Variants in MBD6 observed in about 807,000 individuals in gnomAD.
MBD6 encodes methyl-CpG-binding domain protein 6.
A neutral mutation model predicts 66.8 loss-of-function variants in MBD6; 22 were observed. The ratio of observed to expected loss-of-function variants is 0.33; its 90% CI spans 0.24 to 0.47. The LOEUF (loss-of-function observed/expected upper bound fraction) is 0.47, where lower values mean the gene tolerates loss of function less well. Among genes scored for constraint, MBD6 ranks in the 20% least tolerant of loss-of-function variants. The pLI, the probability that MBD6 is intolerant of heterozygous loss-of-function variation, is 1.00. For missense variants in MBD6, 1,322 were observed against 1,286.9 expected, an observed-to-expected ratio of 1.03 and a Z score of -0.42; for synonymous variants, 540 against 534.6, an observed-to-expected ratio of 1.01 and a Z score of -0.14.
chr12:57,524,990 G>T lies in MBD6; in HGVS notation c.254G>T (p.Gly85Val), dbSNP rs200158707. ...GACCCTTTGGCCCCGGTGACCCCGGGTGGGGCTGGGGTGGGGCCAGCATCA... is the reference window on the plus strand; with the variant it reads ...GACCCTTTGGCCCCGGTGACCCCGGTTGGGGCTGGGGTGGGGCCAGCATCA... The part of the protein sequence containing the change: ...NFDPLAPVTP[G>V]GAGVGPASEE... The change falls in exon 5 of 13, where the codon GGT becomes GTT. Residue 85 changes from glycine to valine, a missense_variant. By Grantham distance (109) the Gly-to-Val change is moderately radical. Transcript: ENST00000355673. The T allele has an allele frequency of 5.6e-6, 9 of 1,607,950 alleles. No homozygotes were observed. Among genetic ancestry groups the T allele is most frequent in the Non-Finnish European group, 7.6e-6 (9 of 1,176,592 alleles).
upstream of MBD6, chr12:57,521,306 TA>T (rs1878323358): frequency 6.6e-6 from 1 of 152,066 alleles, no homozygotes; most frequent in Non-Finnish European, 1.5e-5. Flanking sequence ...CTACTAAAAA[TA>T]CAAAAATTAG....
In MBD6 at chr12:57,527,707, G is replaced by A. The variant is rs547746535; in HGVS notation, c.2236+47G>A. 1.1e-4 allele frequency: 176 copies of A among 1,558,540 alleles called. 1 individual carries two copies. The highest frequency in any genetic ancestry group is 1.4e-4 in the Non-Finnish European group (167 of 1,154,218). On this transcript the variant is annotated intron_variant, in intron 8 of 12. Transcript: ENST00000355673. ...TTCACACTCTTGGTGTGAAAAAGCA[G>A]GAGTAAAACTTGGGAGTAGTGGCTG... is the stretch of plus-strand genomic sequence containing the variant.
At chr12:57,530,539 G>A (rs1594875144), downstream of MBD6, 1 of 665,104 alleles carries the variant, frequency 1.5e-6, no homozygotes, top group Non-Finnish European at 2.6e-6. Flanking sequence ...CAGGGGAGGG[G>A]TATAAACCCC....
At chr12:57,528,610 TG>T in intron 10 of MBD6, 50 bp downstream of exon 10, 1 of 1,613,378 alleles carries the variant, frequency 6.2e-7, no homozygotes, top group South Asian at 1.1e-5. Context: ...GAGGAAAGGT[TG>T]GGGCTTTGGA....
Position 57,522,962 on chromosome 12 carries a change from C to T in MBD6, c.-138C>T, listed in dbSNP as rs1369587019. ...CCTCCTCCCACCCCCTCCCACTCAC[C>T]CTCTGGGCCGCGACTGCGCAGGGCG... On this transcript the variant is annotated 5_prime_UTR_variant, in exon 1 of 13. Coordinates refer to ENST00000355673, the MANE Select transcript of MBD6 (RefSeq NM_052897.4). 6.8e-6 allele frequency: 1 copy of T among 146,864 alleles called. No individual in the cohort carries two copies. Among genetic ancestry groups the T allele is most frequent in the East Asian group, 2.0e-4 (1 of 4,928 alleles). The allele number at this position is 146,864 out of a possible 1,614,324, so 9.1% of individuals were successfully genotyped here.
rs200917042 is a variant in MBD6, at chr12:57,526,036, C to T, written c.1068C>T (p.Ser356=). ...CCCAGGCACCCTCAGCTTCCCACTC[C>T]TCATCACTTCGTCCCTCTCAGCGTC... ...PRAQAPSASH[S]SSLRPSQRRP... The change falls in exon 6 of 13, where the codon TCC becomes TCT. Residue 356 remains serine (S), a synonymous_variant. Transcript: ENST00000355673. 18 of 1,613,432 alleles carry T rather than the reference C, an allele frequency of 1.1e-5. No homozygotes were observed. The African/African-American group carries it at 1.5e-4, about 13-fold the overall frequency.
In MBD6 at chr12:57,529,418, ACCCCCCCCCACCACCCCC is replaced by A; in HGVS notation, c.*187_*204del. The A allele has an allele frequency of 2.9e-6, 1 of 345,660 alleles. No individual in the cohort carries two copies. Among genetic ancestry groups the A allele is most frequent in the Non-Finnish European group, 5.0e-6 (1 of 198,444 alleles). 21.4% of individuals were successfully genotyped at this position (345,660 alleles called of 1,614,324 possible). ...GCCATTGCAGGGGGCAGGGAAGTTC[ACCCCCCCCCACCACCCCC>A]CCGCCCCCCCGAAGCCATGTCACTG... On this transcript the variant is annotated 3_prime_UTR_variant, in exon 13 of 13. Coordinates refer to ENST00000355673, the MANE Select transcript of MBD6 (RefSeq NM_052897.4).
In MBD6 at chr12:57,526,116, C is replaced by T; in HGVS notation, c.1148C>T (p.Thr383Ile). The stretch of plus-strand genomic sequence containing the variant: ...TTGCTAGAAGGGAGAGGCCCTCAAA[C>T]CCCTAGACGGAGCCGTCCTCGGGCC... ...FRLLEGRGPQ[T>I]PRRSRPRAPA... The change falls in exon 6 of 13, where the codon ACC becomes ATC. Residue 383 changes from threonine to isoleucine, a missense_variant. Transcript: ENST00000355673. The T allele has an allele frequency of 1.2e-6, 2 of 1,614,050 alleles. No homozygotes were observed. The highest frequency in any genetic ancestry group is 1.7e-6 in the Non-Finnish European group (2 of 1,180,002).
chr12:57,525,411 C>T lies in MBD6; in HGVS notation c.443C>T (p.Pro148Leu). The T allele has an allele frequency of 6.5e-7, 1 of 1,542,108 alleles. No individual in the cohort carries two copies. Among genetic ancestry groups the T allele is most frequent in the African/African-American group, 1.4e-5 (1 of 72,186 alleles). Residue 148 changes from proline to leucine, a missense_variant, in exon 6 of 13, where the codon CCC becomes CTC. Coordinates refer to ENST00000355673, the MANE Select transcript of MBD6 (RefSeq NM_052897.4). ...VSPGPPSARP[P>L]CRVPPTTPLN... ...CCAGGGCCCCCCTCTGCCCGCCCTC[C>T]CTGTCGAGTTCCTCCTACAACTCCA...
chr12:57,524,529 C>T (rs1372636677), intron 3 of MBD6, 113 bp downstream of exon 3: 6 of 1,122,610 alleles, frequency 5.3e-6, no homozygotes, highest in African/African-American at 1.5e-5. Context: ...CCTCTCTTCC[C>T]CTTCCTTCCT....
upstream of MBD6, chr12:57,521,560 C>G (rs1019137233): frequency 6.6e-6 from 1 of 152,242 alleles, no homozygotes; most frequent in Non-Finnish European, 1.5e-5. Flanking sequence ...ACTGGAATCC[C>G]TTGGTAGTCA....
At chr12:57,521,378 G>C (rs1424551415), upstream of MBD6, 1 of 152,346 alleles carries the variant, frequency 6.6e-6, no homozygotes, top group Non-Finnish European at 1.5e-5. Flanking sequence ...CAGAAGAATC[G>C]CTTGAACCCT....
Position 57,526,918 on chromosome 12 carries a change from G to A in MBD6, c.1773G>A (p.Glu591=). 6.2e-7 allele frequency: 1 copy of A among 1,613,680 alleles called. No homozygotes were observed. Among genetic ancestry groups the A allele is most frequent in the Non-Finnish European group, 8.5e-7 (1 of 1,179,936 alleles). The change falls in exon 7 of 13, where the codon GAG becomes GAA. Residue 591 remains glutamate (E), a synonymous_variant. Transcript: ENST00000355673. ...GGPGPPLAPG[E]PEGPSLLVAS... Reference sequence around the variant, plus strand: ...CTGGTCCTCCCCTAGCCCCAGGAGAGCCTGAAGGGCCTTCGCTTTTGGTGG... The same window carrying A: ...CTGGTCCTCCCCTAGCCCCAGGAGAACCTGAAGGGCCTTCGCTTTTGGTGG...
Position 57,527,852 on chromosome 12 carries a change from C to T in MBD6, c.2241C>T (p.Asp747=). The change falls in exon 9 of 13, where the codon GAC becomes GAT. Residue 747 remains aspartate (D), a synonymous_variant. Transcript: ENST00000355673. The stretch of plus-strand genomic sequence containing the variant: ...CTGACTATAATTTCTCAACAGGTGA[C>T]CTGTCTTCACTGACCAGCAGCCCTG... The part of the protein sequence containing the change: ...SPLLGASLLG[D]LSSLTSSPGA... The T allele has an allele frequency of 1.9e-6, 3 of 1,613,300 alleles. No homozygotes were observed. The highest frequency in any genetic ancestry group is 2.5e-6 in the Non-Finnish European group (3 of 1,179,964).
rs1260670040 is a variant in MBD6, at chr12:57,525,337, A to G, written c.380-11A>G. ...GCCACAGGCTGACCCTTCATTTTTCATTTATTGCAGGAGAGGGAGCGAGCC... is the reference window on the plus strand; with the variant it reads ...GCCACAGGCTGACCCTTCATTTTTCGTTTATTGCAGGAGAGGGAGCGAGCC... On this transcript the variant is annotated splice_polypyrimidine_tract_variant and intron_variant, in intron 5 of 12. Coordinates refer to ENST00000355673, the MANE Select transcript of MBD6 (RefSeq NM_052897.4). 9 of 1,561,144 alleles carry G rather than the reference A, an allele frequency of 5.8e-6. No homozygotes were observed. The East Asian group carries it at 9.0e-5, about 16-fold the overall frequency.
In MBD6 at chr12:57,524,602, C is replaced by A. The variant is rs746013270; in HGVS notation, c.114-118C>A. 45 of 1,126,316 alleles carry A rather than the reference C, an allele frequency of 4.0e-5. No homozygotes were observed. In the South Asian group the frequency reaches 5.4e-4, roughly 13 times the overall value. 69.8% of individuals were successfully genotyped at this position (1,126,316 alleles called of 1,614,324 possible). ...CCATTCTCCCTTTTTCTGTGTCTTCCCACATTCCTTATCCTCTGTTCTTCT... is the reference window on the plus strand; with the variant it reads ...CCATTCTCCCTTTTTCTGTGTCTTCACACATTCCTTATCCTCTGTTCTTCT... On this transcript the variant is annotated intron_variant, in intron 3 of 12. Transcript: ENST00000355673.
Position 57,525,122 on chromosome 12 carries a change from C to G in MBD6, c.379+7C>G. On this transcript the variant is annotated splice_region_variant and intron_variant, in intron 5 of 12. Coordinates refer to ENST00000355673, the MANE Select transcript of MBD6 (RefSeq NM_052897.4). ...TGCTCACACTCTTCTCCTGGTGAGT[C>G]TTCTGCCACTTTACAGAAGACCGAG... The G allele has an allele frequency of 6.2e-7, 1 of 1,603,440 alleles. No individual in the cohort carries two copies. The highest frequency in any genetic ancestry group is 8.5e-7 in the Non-Finnish European group (1 of 1,177,032).
At chr12:57,528,819 T>G in intron 11 of MBD6, 101 bp downstream of exon 11, 1 of 1,597,222 alleles carries the variant, frequency 6.3e-7, no homozygotes, top group Non-Finnish European at 8.6e-7. Context: ...AAGGGCAGAT[T>G]CTTATTTGAA....
rs762232267 is a variant in MBD6, at chr12:57,524,710, C to A, written c.114-10C>A. The A allele has an allele frequency of 2.5e-6, 4 of 1,613,618 alleles. No homozygotes were observed. The highest frequency in any genetic ancestry group is 1.7e-5 in the Admixed American group (1 of 59,996). ...CTAACCCCATGTCCTCTGACCCTGT[C>A]CTCTCGCAGTCCAAGTGGCACAGAG... On this transcript the variant is annotated splice_polypyrimidine_tract_variant and intron_variant, in intron 3 of 12. Transcript: ENST00000355673.
Sources: allele counts gnomAD v4.1 joint callset, GRCh38; gene constraint gnomAD v4.1.1; transcripts MANE v1.5; gene names NCBI Gene and HGNC (gene_info 2026-07-23, HGNC 2026-07-21).